The following LPGAT1 variants were observed in gnomAD, a reference collection of about 807,000 sequenced individuals.
LPGAT1 encodes the protein lysophosphatidylglycerol acyltransferase 1, also known as acyl-CoA:lysophosphatidylglycerol acyltransferase 1.
Under a neutral mutation model 47.5 loss-of-function variants are expected in LPGAT1, and 11 were observed. The observed-to-expected ratio is 0.23, with a 90% CI of 0.15 to 0.38. The LOEUF (loss-of-function observed/expected upper bound fraction) is 0.38. Among genes scored for constraint, LPGAT1 ranks in the 10% least tolerant of loss-of-function variants. LPGAT1 has a pLI of 1.00. For missense variants in LPGAT1, 293 were observed against 439.0 expected (o/e 0.67, Z 2.97); for synonymous variants, 138 against 144.2 (o/e 0.96, Z 0.31).
chr1:211,821,960 T>C (rs896422947), intron 2 of LPGAT1, among the ~76,000 whole-genome samples: 1 of 152,170 alleles, frequency 6.6e-6, no homozygotes, highest in Non-Finnish European at 1.5e-5. Flanking sequence ...AATATAAATA[T>C]GGATTCAACT....
chr1:211,826,692 CTATACCAA>C (rs2102612624), intron 2 of LPGAT1, among the ~76,000 whole-genome samples: 1 of 151,382 alleles, frequency 6.6e-6, no homozygotes, highest in East Asian at 1.9e-4. Context: ...TATATTCATT[CTATACCAA>C]TATACCAATA....
At chr1:211,762,651 C>T (rs930071980) in intron 6 of LPGAT1, among the ~76,000 whole-genome samples, 1 of 151,870 alleles carries the variant, frequency 6.6e-6, no homozygotes, top group Non-Finnish European at 1.5e-5. Flanking sequence ...CAATAGCTAC[C>T]CAAATGAAAA....
Position 211,743,698 on chromosome 1 carries a change from T to A in LPGAT1, c.*6201A>T, listed in dbSNP as rs1298776432. 6.6e-6 allele frequency: 1 copy of A among 152,198 alleles called. No individual in the cohort carries two copies. The highest frequency in any genetic ancestry group is 1.5e-5 in the Non-Finnish European group (1 of 68,038). 9.4% of individuals were successfully genotyped at this position (152,198 alleles called of 1,614,324 possible). A position where few individuals can be genotyped will look rare whatever the true frequency, so the allele number is the denominator to read the frequency against. On this transcript the variant is annotated 3_prime_UTR_variant, in exon 8 of 8. Coordinates refer to ENST00000366997, the MANE Select transcript of LPGAT1 (RefSeq NM_014873.3). ...GGCTGGTCAGCAATAGATCTCTGAG[T>A]GCTTCCAATTTGTTTTCAGGCCTCT...
In LPGAT1 at chr1:211,746,955, T is replaced by C. The variant is rs1011008904; in HGVS notation, c.*2944A>G. The stretch of plus-strand genomic sequence containing the variant: ...TCAATACCAAGATTCCAGCAATGGA[T>C]TCTCAACCTTGTCTGCTGTGGGAAT... On this transcript the variant is annotated 3_prime_UTR_variant, in exon 8 of 8. Transcript: ENST00000366997. 1.2e-4 allele frequency: 18 copies of C among 152,286 alleles called. No individual in the cohort carries two copies. Among genetic ancestry groups the C allele is most frequent in the Middle Eastern group, 3.4e-3 (1 of 294 alleles). 9.4% of individuals were successfully genotyped at this position (152,286 alleles called of 1,614,324 possible).
At chr1:211,821,430 G>A (rs942738013) in intron 2 of LPGAT1, among the ~76,000 whole-genome samples, 1 of 151,956 alleles carries the variant, frequency 6.6e-6, no homozygotes, top group Non-Finnish European at 1.5e-5. Flanking sequence ...TTTAACTAAA[G>A]AATTAAGACA....
At position 211,829,378 on chromosome 1, in the gene LPGAT1, C is replaced by CATTT. The variant is rs982852718; in HGVS notation, c.-27-56_-27-55insAAAT. The CATTT allele has an allele frequency of 4.4e-6, 7 of 1,582,732 alleles. No homozygotes were observed. In the African/African-American group the frequency reaches 9.5e-5, roughly 21 times the overall value. ...GGAAAATTCATTAAATACATCTAAACAGTCACCAACATAGAAATCGCCCCC... is the reference window on the plus strand; with the variant it reads ...GGAAAATTCATTAAATACATCTAAACATTTAGTCACCAACATAGAAATCGCCCCC... On this transcript the variant is annotated intron_variant, in intron 1 of 7. Coordinates refer to ENST00000366997, the MANE Select transcript of LPGAT1 (RefSeq NM_014873.3).
intron 6 of LPGAT1, among the ~76,000 whole-genome samples, chr1:211,766,210 G>T (rs1253945697): frequency 6.6e-6 from 1 of 152,100 alleles, no homozygotes; most frequent in Non-Finnish European, 1.5e-5. Flanking sequence ...GACAACGTTG[G>T]CTCCCTTGGT....
chr1:211,790,344 G>T (rs554449053), intron 3 of LPGAT1, among the ~76,000 whole-genome samples: 1 of 152,144 alleles, frequency 6.6e-6, no homozygotes, highest in South Asian at 2.1e-4. Flanking sequence ...ACTAATGGGG[G>T]CTTCAAGAAG....
intron 2 of LPGAT1, among the ~76,000 whole-genome samples, chr1:211,806,259 C>CA (rs141014104): frequency 2.5e-3 from 220 of 88,092 alleles, no homozygotes; most frequent in Middle Eastern, 0.014. Flanking sequence ...GGGTCTGTCT[C>CA]AAAAAAAAAA....
chr1:211,813,836 A>G (rs985913086), intron 2 of LPGAT1, among the ~76,000 whole-genome samples: 1 of 152,242 alleles, frequency 6.6e-6, no homozygotes, highest in African/African-American at 2.4e-5. Context: ...AGTAAGGTAC[A>G]TGAAAGAAGA....
At chr1:211,812,970 T>C (rs998269533) in intron 2 of LPGAT1, among the ~76,000 whole-genome samples, 2 of 152,196 alleles carry the variant, frequency 1.3e-5, no homozygotes, top group Admixed American at 6.5e-5. Context: ...CACAGGAAAC[T>C]AACACAGGTG....
At chr1:211,814,324 A>G (rs771160330) in intron 2 of LPGAT1, among the ~76,000 whole-genome samples, 2 of 152,226 alleles carry the variant, frequency 1.3e-5, no homozygotes, top group South Asian at 2.1e-4. Context: ...AAACTGGAGC[A>G]GTGTGGAAGG....
intron 2 of LPGAT1, among the ~76,000 whole-genome samples, chr1:211,801,962 C>A (rs923792360): frequency 1.3e-5 from 2 of 151,472 alleles, no homozygotes; most frequent in African/African-American, 2.4e-5. Context: ...GTGGCACACA[C>A]CTGTAGTCCC....
At chr1:211,793,347 A>C (rs1418718119) in intron 2 of LPGAT1, 157 bp from the exon 3 acceptor site, 2 of 377,262 alleles carry the variant, frequency 5.3e-6, no homozygotes, top group Non-Finnish European at 9.6e-6. Flanking sequence ...GCAAATCAGA[A>C]TGTTAATATA....
intron 6 of LPGAT1, among the ~76,000 whole-genome samples, chr1:211,774,451 CACA>C (rs1202643500): frequency 2.0e-5 from 3 of 152,096 alleles, no homozygotes; most frequent in Admixed American, 6.6e-5. Context: ...ATTTGCATCT[CACA>C]ACAATGCATC....
At chr1:211,827,382 C>G (rs1456256113) in intron 2 of LPGAT1, among the ~76,000 whole-genome samples, 1 of 152,176 alleles carries the variant, frequency 6.6e-6, no homozygotes. Context: ...CATAGGACAA[C>G]TAACTTTGAC....
chr1:211,818,624 T>C (rs923043244), intron 2 of LPGAT1, among the ~76,000 whole-genome samples: 4 of 152,218 alleles, frequency 2.6e-5, no homozygotes, highest in African/African-American at 9.7e-5. Context: ...CAAACCCTAA[T>C]TTTAGATTAG....
At chr1:211,782,149 A>G (rs1276550977) in intron 5 of LPGAT1, among the ~76,000 whole-genome samples, 1 of 152,234 alleles carries the variant, frequency 6.6e-6, no homozygotes, top group Non-Finnish European at 1.5e-5. Flanking sequence ...ATAAGAGCAC[A>G]AACGTTTTTC....
In LPGAT1 at chr1:211,783,339, A is replaced by T; in HGVS notation, c.617T>A (p.Phe206Tyr). Residue 206 changes from phenylalanine to tyrosine, a missense_variant, in exon 5 of 8, where the codon TTT becomes TAT. Coordinates refer to ENST00000366997, the MANE Select transcript of LPGAT1 (RefSeq NM_014873.3). ...QAFAKKNNLP[F>Y]LTNVTLPRSG... ...CCTTGGCAGAGTAACATTTGTAAGA[A>T]ATGGCAAGTTATTTTTCTTGGCAAA... is the stretch of plus-strand genomic sequence containing the variant. 3 of 1,614,176 alleles carry T rather than the reference A, an allele frequency of 1.9e-6. No homozygotes were observed. The highest frequency in any genetic ancestry group is 2.5e-6 in the Non-Finnish European group (3 of 1,180,026).
Sources: allele counts gnomAD v4.1 joint callset (sites outside exome capture counted in the v4.1 genomes callset), GRCh38; gene constraint gnomAD v4.1.1; transcripts MANE v1.5; gene names NCBI Gene and HGNC (gene_info 2026-07-23, HGNC 2026-07-21).